Variants in ERC1 observed in about 807,000 individuals in gnomAD.
ERC1 encodes RAB6 interacting protein 2.
Under a neutral mutation model 132.0 loss-of-function variants are expected in ERC1, and 56 were observed. The observed-to-expected ratio is 0.42, with a 90% confidence interval of 0.34 to 0.53. The LOEUF is 0.53. Ranked by LOEUF, ERC1 falls within the 20% of genes least tolerant of loss-of-function variation. The pLI is 0.03. For missense variants in ERC1, 1,202 were observed against 1,349.9 expected (o/e 0.89, Z 1.72); for synonymous variants, 478 against 476.1 (o/e 1.00, Z -0.05).
Position 1,110,360 on chromosome 12 carries a change from G to C in ERC1, c.1317+13G>C, listed in dbSNP as rs769529779. On this transcript the variant is annotated intron_variant, in intron 5 of 18. Transcript: ENST00000360905. ...TATGAAAAATAAGGTAATGGCATGT[G>C]AGACTTTTGATTCTTAAAAGGAGTT... is the stretch of plus-strand genomic sequence containing the variant. The C allele has an allele frequency of 6.3e-6, 10 of 1,578,058 alleles. No homozygotes were observed. The highest frequency in any genetic ancestry group is 8.6e-6 in the Non-Finnish European group (10 of 1,164,406).
chr12:1,093,042 T>G (rs966664830), intron 3 of ERC1, among the ~76,000 whole-genome samples: 1 of 152,248 alleles, frequency 6.6e-6, no homozygotes, highest in African/African-American at 2.4e-5. Context: ...CTTTTCAGCA[T>G]GTACAACAGT....
intron 15 of ERC1, among the ~76,000 whole-genome samples, chr12:1,290,405 G>A (rs73595962): frequency 0.04 from 6,085 of 152,190 alleles, 427 homozygotes; most frequent in African/African-American, 0.14. Context: ...GGTACACACA[G>A]GTAGAGAGAA....
intron 17 of ERC1, among the ~76,000 whole-genome samples, chr12:1,426,849 G>T (rs947661743): frequency 6.6e-6 from 1 of 151,920 alleles, no homozygotes; most frequent in Admixed American, 6.6e-5. Flanking sequence ...TTGTGACTGG[G>T]CCACATTCCA....
chr12:1,477,382 G>T (rs1283279020), intron 18 of ERC1, among the ~76,000 whole-genome samples: 3 of 152,176 alleles, frequency 2.0e-5, no homozygotes, highest in African/African-American at 7.2e-5. Flanking sequence ...ATTTCGCTAA[G>T]CAGAGGATCT....
At chr12:1,186,160 ATG>A (rs1955069347) in intron 11 of ERC1, among the ~76,000 whole-genome samples, 1 of 152,212 alleles carries the variant, frequency 6.6e-6, no homozygotes, top group Admixed American at 6.5e-5. Flanking sequence ...TTTCCTAAGT[ATG>A]TGTGTTTTCC....
chr12:1,243,625 C>T (rs1272399119), intron 13 of ERC1, among the ~76,000 whole-genome samples: 1 of 152,184 alleles, frequency 6.6e-6, no homozygotes, highest in African/African-American at 2.4e-5. Context: ...TCATTTAGAG[C>T]AGTGGTTCTC....
chr12:993,646 G>A (rs1033895032), intron 1 of ERC1, among the ~76,000 whole-genome samples: 1 of 152,180 alleles, frequency 6.6e-6, no homozygotes, highest in African/African-American at 2.4e-5. Flanking sequence ...GCTCATGCCT[G>A]TAATCCCAGC....
chr12:1,072,100 C>A (rs1306540034), intron 2 of ERC1, among the ~76,000 whole-genome samples: 98 of 136,044 alleles, frequency 7.2e-4, no homozygotes, highest in South Asian at 1.4e-3. Flanking sequence ...GACTCTGTCT[C>A]AAAAAAAAAA....
At chr12:1,320,599 T>C (rs1168451584) in intron 15 of ERC1, among the ~76,000 whole-genome samples, 1 of 152,252 alleles carries the variant, frequency 6.6e-6, no homozygotes, top group Non-Finnish European at 1.5e-5. Context: ...AATAACCTTA[T>C]TACAAAAGTC....
In ERC1 at chr12:1,006,824, T is replaced by C. The variant is rs894996349; in HGVS notation, c.-157+15502T>C. On this transcript the variant is annotated intron_variant, in intron 1 of 18. Transcript: ENST00000360905. ...ATTCTTGTAAATAGTATAGCAAAAA[T>C]GTCTGCTTTATAAATTTTTCATTTT... 9.2e-5 allele frequency among the ~76,000 whole-genome samples: 14 copies of C among 152,162 alleles called. 1 individual carries two copies. Among genetic ancestry groups the C allele is most frequent in the Admixed American group, 7.2e-4 (11 of 15,282 alleles).
chr12:1,252,055 T>TA (rs773209062), intron 13 of ERC1, among the ~76,000 whole-genome samples: 92 of 152,328 alleles, frequency 6.0e-4, no homozygotes, highest in Non-Finnish European at 1.1e-3. Flanking sequence ...GATGTTTTGA[T>TA]ACAAGCATGT....
intron 15 of ERC1, among the ~76,000 whole-genome samples, chr12:1,316,525 A>G (rs1166012443): frequency 6.6e-6 from 1 of 152,224 alleles, no homozygotes; most frequent in African/African-American, 2.4e-5. Flanking sequence ...TATCTCTGTG[A>G]AATAAAGCAA....
chr12:1,410,569 TTC>T (rs1169284772), intron 17 of ERC1: 2 of 325,358 alleles, frequency 6.1e-6, no homozygotes, highest in Non-Finnish European at 1.2e-5. Flanking sequence ...CTGGTGTGCT[TTC>T]TGTTTTTTTA....
At chr12:1,444,464 T>C (rs2093246862) in intron 17 of ERC1, 98 bp from the exon 18 acceptor site, 1 of 824,578 alleles carries the variant, frequency 1.2e-6, no homozygotes, top group Non-Finnish European at 1.8e-6. Flanking sequence ...GTCAATTTTC[T>C]TTGACTTGGA....
chr12:1,482,083 C>T (rs2094103960), intron 18 of ERC1, among the ~76,000 whole-genome samples: 1 of 152,142 alleles, frequency 6.6e-6, no homozygotes, highest in Non-Finnish European at 1.5e-5. Flanking sequence ...CTCGCTGAAA[C>T]TGTGTAATGG....
chr12:1,353,694 A>C (rs1482484539), intron 15 of ERC1, among the ~76,000 whole-genome samples: 1 of 152,174 alleles, frequency 6.6e-6, no homozygotes, highest in Admixed American at 6.5e-5. Context: ...GTCTCTTGTT[A>C]TGCTAAGAGT....
rs1326879917 is a variant in ERC1 at position 1,090,863 on chromosome 12, GTTGTTATTATTATTATTATTATTA to G, written c.1086+7286_1086+7309del. ...TATTATTATTGTTGTTGTTGTTGTT[GTTGTTATTATTATTATTATTATTA>G]TTATTATTATTATTATTATTATTAT... On this transcript the variant is annotated intron_variant, in intron 3 of 18. Transcript: ENST00000360905. Among the ~76,000 whole-genome samples the G allele has an allele frequency of 7.0e-3, 313 of 44,608 alleles. 94 individuals carry two copies. Among genetic ancestry groups the G allele is most frequent in the African/African-American group, 0.024 (289 of 12,022 alleles). 29.3% of individuals were successfully genotyped at this position (44,608 alleles called of 152,430 possible).
intron 16 of ERC1, among the ~76,000 whole-genome samples, chr12:1,404,296 C>T (rs1287904889): frequency 6.6e-6 from 1 of 151,926 alleles, no homozygotes; most frequent in South Asian, 2.1e-4. Context: ...TATTTATTTA[C>T]TCATCCATTT....
intron 18 of ERC1, among the ~76,000 whole-genome samples, chr12:1,448,629 T>C: frequency 6.6e-6 from 1 of 152,262 alleles, no homozygotes; most frequent in East Asian, 1.9e-4. Context: ...CTTCTGCTCC[T>C]GACATTTGCA....
Sources: allele counts gnomAD v4.1 joint callset (sites outside exome capture counted in the v4.1 genomes callset), GRCh38; gene constraint gnomAD v4.1.1; transcripts MANE v1.5; gene names NCBI Gene and HGNC (gene_info 2026-07-23, HGNC 2026-07-21).